RAMP3: variants seen among roughly 807,000 people sequenced by gnomAD.
RAMP3 encodes the protein receptor activity modifying protein 3.
A neutral mutation model predicts 13.5 loss-of-function variants in RAMP3; 14 were observed. The ratio of observed to expected loss-of-function variants is 1.04; its 90% CI spans 0.69 to 1.63. RAMP3 has a LOEUF of 1.63. RAMP3 is among the 40% of genes most tolerant of loss of function. The pLI is 0.00. For synonymous variants in RAMP3, 106 were observed against 88.3 expected, an observed-to-expected ratio of 1.20 and a Z score of -1.12; for missense variants, 200 against 204.8, an observed-to-expected ratio of 0.98 and a Z score of 0.14.
chr7:45,183,590 C>A lies in RAMP3; in HGVS notation c.*178C>A. ...CCCTCGAGGCCAGCCTGCTCCCTGG[C>A]TGAGGCTCAGGCTATCCGCCCAAGC... On this transcript the variant is annotated 3_prime_UTR_variant, in exon 3 of 3. Transcript: ENST00000242249. 2 of 875,548 alleles carry A rather than the reference C, an allele frequency of 2.3e-6. No individual in the cohort carries two copies. Among genetic ancestry groups the A allele is most frequent in the Non-Finnish European group, 1.7e-6 (1 of 576,662 alleles). 54.2% of individuals were successfully genotyped at this position (875,548 alleles called of 1,614,324 possible). A position where few individuals can be genotyped will look rare whatever the true frequency, so the allele number is the denominator to read the frequency against.
At chr7:45,166,198 A>G (rs1294953) in intron 1 of RAMP3, among the ~76,000 whole-genome samples, 9,470 of 147,966 alleles carry the variant, frequency 0.064, 396 homozygotes, top group East Asian at 0.11. Flanking sequence ...TTTCTGAGAG[A>G]GGGTCTCATT....
In RAMP3 at chr7:45,181,516, G is replaced by A. The variant is rs1786315094; in HGVS notation, c.192-1641G>A. ...TGTTGGGGGGTGGCATTCCTGGGTAGCAGTTCAGTGGAATGACTTTGGAGG... is the reference window on the plus strand; with the variant it reads ...TGTTGGGGGGTGGCATTCCTGGGTAACAGTTCAGTGGAATGACTTTGGAGG... On this transcript the variant is annotated intron_variant, in intron 2 of 2. Transcript: ENST00000242249. 1.3e-5 allele frequency among the ~76,000 whole-genome samples: 2 copies of A among 152,238 alleles called. 1 individual carries two copies. The highest frequency in any genetic ancestry group is 4.1e-4 in the South Asian group (2 of 4,832).
At chr7:45,167,192 C>T (rs1157939515) in intron 1 of RAMP3, among the ~76,000 whole-genome samples, 1 of 152,112 alleles carries the variant, frequency 6.6e-6, no homozygotes, top group Non-Finnish European at 1.5e-5. Flanking sequence ...CTCCTGACCT[C>T]GTGATCTGCC....
chr7:45,183,409 G>A lies in RAMP3; in HGVS notation c.444G>A (p.Leu148=), dbSNP rs779250200. ...VWRSKRTDTL[L] Reference sequence around the variant, plus strand: ...GCAGCAAACGCACCGACACGCTGCTGTGAGGGTCCCGGTGAGATGGAGTGG... The same window carrying A: ...GCAGCAAACGCACCGACACGCTGCTATGAGGGTCCCGGTGAGATGGAGTGG... The change falls in exon 3 of 3, where the codon CTG becomes CTA. Residue 148 remains leucine (L), a synonymous_variant. Transcript: ENST00000242249. 1 of 1,611,946 alleles carries A rather than the reference G, an allele frequency of 6.2e-7. No homozygotes were observed. Among genetic ancestry groups the A allele is most frequent in the Non-Finnish European group, 8.5e-7 (1 of 1,179,926 alleles).
At chr7:45,180,613 C>T (rs1213226173) in intron 2 of RAMP3, among the ~76,000 whole-genome samples, 2 of 152,236 alleles carry the variant, frequency 1.3e-5, no homozygotes, top group South Asian at 2.1e-4. Context: ...CAGCAATGGG[C>T]TCCTTCTGTA....
At chr7:45,160,536 G>A (rs915928927) in intron 1 of RAMP3, among the ~76,000 whole-genome samples, 2 of 151,854 alleles carry the variant, frequency 1.3e-5, no homozygotes, top group East Asian at 3.9e-4. Context: ...GGGCAGAACC[G>A]CCCAGAATCC....
rs151337868 is a variant in RAMP3, at chr7:45,159,917, C to T, written c.58+2031C>T. Among the ~76,000 whole-genome samples the T allele has an allele frequency of 1.0e-2, 1,518 of 152,292 alleles. 17 individuals carry two copies. The highest frequency in any genetic ancestry group is 0.035 in the African/African-American group (1,444 of 41,554). On this transcript the variant is annotated intron_variant, in intron 1 of 2. Coordinates refer to ENST00000242249, the MANE Select transcript of RAMP3 (RefSeq NM_005856.3). Reference sequence around the variant, plus strand: ...TGTGTGCAAGCGTATGAACATGGTACCATCGTTTTTATCATTAAATGATGT... The same window carrying T: ...TGTGTGCAAGCGTATGAACATGGTATCATCGTTTTTATCATTAAATGATGT...
chr7:45,163,123 G>A (rs1175084683), intron 1 of RAMP3: 22 of 975,742 alleles, frequency 2.3e-5, no homozygotes, highest in Non-Finnish European at 2.7e-5. Context: ...ATGAATTATT[G>A]GTTTCACACC....
chr7:45,181,655 C>A (rs767756316), intron 2 of RAMP3, among the ~76,000 whole-genome samples: 1 of 152,142 alleles, frequency 6.6e-6, no homozygotes, highest in South Asian at 2.1e-4. Context: ...GATCAGCTGG[C>A]GGGGGGTTGG....
At chr7:45,171,736 TGATGG>T (rs1188525731) in intron 1 of RAMP3, among the ~76,000 whole-genome samples, 2 of 152,154 alleles carry the variant, frequency 1.3e-5, no homozygotes, top group Non-Finnish European at 2.9e-5. Flanking sequence ...CCTCCCAAAG[TGATGG>T]GATTACAGGT....
At chr7:45,172,322 G>A (rs1474162865) in intron 1 of RAMP3, among the ~76,000 whole-genome samples, 1 of 152,252 alleles carries the variant, frequency 6.6e-6, no homozygotes, top group Non-Finnish European at 1.5e-5. Context: ...GAGGTAGGGT[G>A]TGGAGTGGGA....
Position 45,180,223 on chromosome 7 carries a change from G to A in RAMP3, c.191+2782G>A, listed in dbSNP as rs574416027. Among the ~76,000 whole-genome samples the A allele has an allele frequency of 8.5e-5, 13 of 152,346 alleles. 1 individual carries two copies. The highest frequency in any genetic ancestry group is 5.8e-4 in the East Asian group (3 of 5,176). ...GCCCCAGGGAGGGCGGTGCCCCAGC[G>A]TGGCAGTACACCCTGGGTGGAGGCA... On this transcript the variant is annotated intron_variant, in intron 2 of 2. Coordinates refer to ENST00000242249, the MANE Select transcript of RAMP3 (RefSeq NM_005856.3).
intron 1 of RAMP3, among the ~76,000 whole-genome samples, chr7:45,176,440 C>T (rs964907189): frequency 2.5e-4 from 38 of 149,434 alleles, no homozygotes; most frequent in Non-Finnish European, 5.2e-4. Flanking sequence ...CAGGGCTGTG[C>T]GTGCACACAC....
intron 1 of RAMP3, among the ~76,000 whole-genome samples, chr7:45,176,842 C>T (rs1294943): frequency 0.58 from 88,157 of 152,044 alleles, 26,468 homozygotes; most frequent in Non-Finnish European, 0.66. Flanking sequence ...GGTCTTTGAC[C>T]GGGAGGGGTT....
chr7:45,163,187 C>T, intron 1 of RAMP3: 2 of 985,408 alleles, frequency 2.0e-6, no homozygotes, highest in Non-Finnish European at 2.4e-6. Flanking sequence ...GCCTATTGTG[C>T]AGTTGACTCT....
intron 1 of RAMP3, among the ~76,000 whole-genome samples, chr7:45,164,370 A>C (rs1042527128): frequency 3.6e-5 from 5 of 138,610 alleles, no homozygotes; most frequent in African/African-American, 1.5e-4. Flanking sequence ...TGTCTCTACA[A>C]ATAACAAAAA....
intron 2 of RAMP3, among the ~76,000 whole-genome samples, chr7:45,178,424 A>G (rs924983794): frequency 2.6e-5 from 4 of 152,120 alleles, no homozygotes; most frequent in Admixed American, 6.5e-5. Context: ...ATGCTTTTGC[A>G]TGTTAGCACC....
chr7:45,179,768 A>C (rs1786265427), intron 2 of RAMP3, among the ~76,000 whole-genome samples: 1 of 152,204 alleles, frequency 6.6e-6, no homozygotes, highest in South Asian at 2.1e-4. Flanking sequence ...ATGAGCTTGC[A>C]GCCGGTGAGG....
intron 1 of RAMP3, among the ~76,000 whole-genome samples, chr7:45,169,990 G>A (rs190338057): frequency 6.6e-6 from 1 of 152,258 alleles, no homozygotes; most frequent in East Asian, 1.9e-4. Context: ...TTGGCATATA[G>A]CAGTTCATAG....
Sources: allele counts gnomAD v4.1 joint callset (sites outside exome capture counted in the v4.1 genomes callset), GRCh38; gene constraint gnomAD v4.1.1; transcripts MANE v1.5; gene names NCBI Gene and HGNC (gene_info 2026-07-23, HGNC 2026-07-21).